Variants in HMGB1 observed in about 807,000 individuals in gnomAD.
HMGB1 encodes high mobility group protein B1.
For missense variants in HMGB1, 79 were observed against 253.5 expected, an observed-to-expected ratio of 0.31 and a Z score of 4.67; for synonymous variants, 81 against 84.0, an observed-to-expected ratio of 0.96 and a Z score of 0.19.
At chr13:30,550,986 A>T (rs561282629) in intron 1 of HMGB1, among the ~76,000 whole-genome samples, 9 of 152,330 alleles carry the variant, frequency 5.9e-5, no homozygotes, top group Admixed American at 2.0e-4. Context: ...TTGCCAGGTA[A>T]ACCAGCCCAA....
intron 1 of HMGB1, chr13:30,464,455 A>T: frequency 1.0e-6 from 1 of 984,146 alleles, no homozygotes; most frequent in Non-Finnish European, 1.2e-6. Flanking sequence ...AGTTGGGGTG[A>T]CTCCTGCGCG....
At chr13:30,509,096 C>G (rs910005754) in intron 1 of HMGB1, among the ~76,000 whole-genome samples, 1 of 152,076 alleles carries the variant, frequency 6.6e-6, no homozygotes, top group African/African-American at 2.4e-5. Context: ...CCATGCCCTG[C>G]TAATTAAAAA....
At chr13:30,607,375 T>G (rs575911574) in intron 1 of HMGB1, among the ~76,000 whole-genome samples, 6 of 151,800 alleles carry the variant, frequency 4.0e-5, no homozygotes, top group Admixed American at 6.5e-5. Flanking sequence ...GCCTTCCCCC[T>G]TGCTGTTCTT....
intron 1 of HMGB1, chr13:30,465,263 G>A: frequency 7.6e-6 from 1 of 131,514 alleles, no homozygotes; most frequent in Non-Finnish European, 1.5e-5. Context: ...CCCCCGCGCC[G>A]CCCTCGCCCG....
chr13:30,473,193 T>TCA (rs1186311669), intron 1 of HMGB1, among the ~76,000 whole-genome samples: 1 of 152,160 alleles, frequency 6.6e-6, no homozygotes, highest in African/African-American at 2.4e-5. Flanking sequence ...ACCTCCTGCC[T>TCA]CAGCCCGAGT....
intron 1 of HMGB1, among the ~76,000 whole-genome samples, chr13:30,566,082 C>T (rs1490149078): frequency 1.3e-5 from 2 of 152,124 alleles, no homozygotes; most frequent in Non-Finnish European, 2.9e-5. Context: ...CATGGAGCAT[C>T]GCCCAGCTGA....
chr13:30,461,723 A>G (rs943511441), intron 4 of HMGB1, 190 bp from the exon 5 acceptor site: 18 of 1,403,818 alleles, frequency 1.3e-5, no homozygotes, highest in African/African-American at 2.8e-5. Context: ...CAAGATCATT[A>G]TAACAATCTA....
intron 1 of HMGB1, among the ~76,000 whole-genome samples, chr13:30,512,320 C>A (rs927891835): frequency 2.6e-5 from 4 of 152,134 alleles, no homozygotes; most frequent in Non-Finnish European, 5.9e-5. Context: ...AAACACTGAA[C>A]ATGCTTAGGG....
intron 1 of HMGB1, among the ~76,000 whole-genome samples, chr13:30,537,188 A>G (rs1156242982): frequency 1.3e-5 from 2 of 152,124 alleles, no homozygotes; most frequent in Non-Finnish European, 2.9e-5. Context: ...AGTTCCCAGT[A>G]ATACTTTTAA....
rs200108851 is a variant in HMGB1, at chr13:30,505,850, CA to C, written c.-14-42157del. 5.9e-3 allele frequency among the ~76,000 whole-genome samples: 892 copies of C among 152,238 alleles called. 12 individuals are homozygous for C. The highest frequency in any genetic ancestry group is 0.021 in the African/African-American group (854 of 41,530). ...TTGTCTTCACTCACTCCCATCCTCT[CA>C]GGGGGCAGTCTGAGGACATCAAGTA... On this transcript the variant is annotated intron_variant, in intron 1 of 4. Coordinates refer to the HMGB1 transcript ENST00000405805.
chr13:30,526,707 G>A (rs921975363), intron 1 of HMGB1, among the ~76,000 whole-genome samples: 2 of 152,186 alleles, frequency 1.3e-5, no homozygotes, highest in African/African-American at 2.4e-5. Context: ...CTGCCACCAC[G>A]AGCCCTAGCT....
At chr13:30,602,216 C>T (rs1249077448) in intron 1 of HMGB1, among the ~76,000 whole-genome samples, 4 of 152,120 alleles carry the variant, frequency 2.6e-5, no homozygotes, top group Admixed American at 6.5e-5. Context: ...GACACCAGCA[C>T]CAGCACCACA....
At chr13:30,488,692 T>C (rs148219181) in intron 1 of HMGB1, among the ~76,000 whole-genome samples, 2,280 of 117,496 alleles carry the variant, frequency 0.019, 156 homozygotes, top group Admixed American at 0.14. Flanking sequence ...TTATTATTAT[T>C]ATTACTTTTA....
chr13:30,469,988 G>C (rs989526034), upstream of HMGB1, among the ~76,000 whole-genome samples: 4 of 151,684 alleles, frequency 2.6e-5, no homozygotes, highest in African/African-American at 7.3e-5. Flanking sequence ...ATGTTGCCCA[G>C]GCTGGTCTCA....
intron 1 of HMGB1, among the ~76,000 whole-genome samples, chr13:30,558,352 A>G (rs557101194): frequency 1.5e-4 from 23 of 152,330 alleles, no homozygotes; most frequent in Admixed American, 1.2e-3. Context: ...TCACTTGGCA[A>G]AAGTGAACAG....
At chr13:30,585,488 G>A (rs557237235) in intron 1 of HMGB1, among the ~76,000 whole-genome samples, 1 of 152,066 alleles carries the variant, frequency 6.6e-6, no homozygotes, top group Non-Finnish European at 1.5e-5. Flanking sequence ...AGGAATTCAA[G>A]AACAGCCTGG....
intron 1 of HMGB1, among the ~76,000 whole-genome samples, chr13:30,573,323 A>C (rs1377684830): frequency 6.6e-6 from 1 of 152,232 alleles, no homozygotes; most frequent in Non-Finnish European, 1.5e-5. Flanking sequence ...TAAAATAAAA[A>C]TACTGTCATA....
chr13:30,617,341 G>A (rs1031960211), exon 1 of HMGB1: 3 of 152,232 alleles, frequency 2.0e-5, no homozygotes, highest in Admixed American at 1.3e-4. Context: ...ATGACCCTTT[G>A]TGAACATGCA....
intron 1 of HMGB1, among the ~76,000 whole-genome samples, chr13:30,578,044 G>A (rs1870734691): frequency 6.6e-6 from 1 of 151,928 alleles, no homozygotes; most frequent in Admixed American, 6.6e-5. Context: ...CCACATGGAG[G>A]TAAGCAGCAA....
Sources: allele counts gnomAD v4.1 joint callset (sites outside exome capture counted in the v4.1 genomes callset), GRCh38; gene constraint gnomAD v4.1.1; transcripts MANE v1.5; gene names NCBI Gene and HGNC (gene_info 2026-07-23, HGNC 2026-07-21).